LRP1B: variants seen among roughly 807,000 people sequenced by gnomAD.
LRP1B encodes low-density lipoprotein receptor-related protein 1B.
LRP1B carries 217 observed loss-of-function variants against 556.6 expected under a neutral mutation model. The ratio of observed to expected loss-of-function variants is 0.39; its 90% CI spans 0.35 to 0.44. The LOEUF (loss-of-function observed/expected upper bound fraction) is 0.44, where lower values mean the gene tolerates loss of function less well. Ranked by LOEUF, LRP1B falls within the 20% of genes least tolerant of loss-of-function variation. LRP1B has a pLI of 1.00. For synonymous variants in LRP1B, 2,047 were observed against 1,865.8 expected, an observed-to-expected ratio of 1.10 and a Z score of -2.50; for missense variants, 5,053 against 5,620.8, an observed-to-expected ratio of 0.90 and a Z score of 3.23.
intron 2 of LRP1B, among the ~76,000 whole-genome samples, chr2:141,733,036 AG>A (rs1297148999): frequency 1.3e-5 from 2 of 152,006 alleles, no homozygotes; most frequent in Non-Finnish European, 2.9e-5. Context: ...GCCTAATGTG[AG>A]GATCAATGGT....
chr2:141,111,789 G>A (rs998134508), intron 7 of LRP1B, among the ~76,000 whole-genome samples: 3 of 151,964 alleles, frequency 2.0e-5, no homozygotes, highest in Admixed American at 6.6e-5. Context: ...GGTGGCTCAC[G>A]CCTGTAATCC....
At chr2:141,495,776 C>A (rs368459189) in intron 2 of LRP1B, among the ~76,000 whole-genome samples, 5 of 151,962 alleles carry the variant, frequency 3.3e-5, no homozygotes, top group African/African-American at 1.2e-4. Flanking sequence ...ATAATGCTCT[C>A]CTATAAGCAA....
At chr2:141,705,535 A>T (rs1014239756) in intron 2 of LRP1B, among the ~76,000 whole-genome samples, 1 of 152,034 alleles carries the variant, frequency 6.6e-6, no homozygotes, top group Non-Finnish European at 1.5e-5. Flanking sequence ...TTACTAACAC[A>T]TTGTGCTAAT....
At chr2:140,361,573 A>G (rs1030549720) in intron 72 of LRP1B, among the ~76,000 whole-genome samples, 4 of 150,838 alleles carry the variant, frequency 2.7e-5, no homozygotes, top group African/African-American at 9.7e-5. Flanking sequence ...TGCAGAAACC[A>G]TCACATCTTT....
chr2:141,339,842 T>C (rs1687990213), intron 3 of LRP1B, among the ~76,000 whole-genome samples: 1 of 152,170 alleles, frequency 6.6e-6, no homozygotes, highest in East Asian at 1.9e-4. Flanking sequence ...GGACATATTG[T>C]GTGGTGGTAA....
At chr2:140,444,887 T>C (rs890253473) in intron 63 of LRP1B, among the ~76,000 whole-genome samples, 1 of 152,140 alleles carries the variant, frequency 6.6e-6, no homozygotes, top group Non-Finnish European at 1.5e-5. Flanking sequence ...TAATAAACCA[T>C]ACTTTAGAAG....
intron 5 of LRP1B, among the ~76,000 whole-genome samples, chr2:141,232,242 A>G (rs1304018422): frequency 6.6e-6 from 1 of 152,150 alleles, no homozygotes; most frequent in Non-Finnish European, 1.5e-5. Context: ...AACCTGTTGG[A>G]TCATAGATTT....
intron 41 of LRP1B, among the ~76,000 whole-genome samples, chr2:140,640,663 G>A (rs1277356466): frequency 3.3e-5 from 5 of 151,806 alleles, no homozygotes; most frequent in African/African-American, 1.2e-4. Context: ...GATTACAGGC[G>A]TGAGCCACCG....
At chr2:142,009,413 T>C (rs922134511) in intron 1 of LRP1B, among the ~76,000 whole-genome samples, 4 of 152,146 alleles carry the variant, frequency 2.6e-5, no homozygotes, top group Non-Finnish European at 5.9e-5. Context: ...CTCTTGCCTA[T>C]CTCTGAAGCA....
At chr2:140,841,955 A>AT (rs1377831345) in intron 29 of LRP1B, among the ~76,000 whole-genome samples, 2 of 152,150 alleles carry the variant, frequency 1.3e-5, no homozygotes, top group Non-Finnish European at 2.9e-5. Flanking sequence ...ACTTTAAAAA[A>AT]TTTTAGTATT....
chr2:141,381,994 A>G (rs1430250734), intron 3 of LRP1B, among the ~76,000 whole-genome samples: 1 of 151,586 alleles, frequency 6.6e-6, no homozygotes, highest in Admixed American at 6.6e-5. Context: ...GTAGACAGAC[A>G]CACAGTTAGT....
intron 87 of LRP1B, among the ~76,000 whole-genome samples, chr2:140,246,828 T>C (rs1394854126): frequency 1.3e-5 from 2 of 151,540 alleles, no homozygotes; most frequent in Non-Finnish European, 1.5e-5. Context: ...GAAAAGCTTA[T>C]GCTAGGTTAG....
chr2:141,101,618 G>A (rs1425052006), intron 7 of LRP1B, among the ~76,000 whole-genome samples: 1 of 152,074 alleles, frequency 6.6e-6, no homozygotes, highest in Non-Finnish European at 1.5e-5. Context: ...GTATTTGAAT[G>A]AATGAGTGAA....
chr2:141,592,412 G>T (rs1687373831), intron 2 of LRP1B, among the ~76,000 whole-genome samples: 1 of 152,130 alleles, frequency 6.6e-6, no homozygotes, highest in Admixed American at 6.6e-5. Context: ...GGTATAAGGG[G>T]TTAGCTCTGG....
At chr2:140,960,034 AT>A (rs11291161) in intron 18 of LRP1B, among the ~76,000 whole-genome samples, 149,379 of 151,590 alleles carry the variant, frequency 0.99, 73,629 homozygotes, top group Middle Eastern at 1. Flanking sequence ...AAAATGAGTA[AT>A]TTTTTTATCA....
chr2:141,237,163 C>T (rs984291953), intron 5 of LRP1B, among the ~76,000 whole-genome samples: 5 of 151,864 alleles, frequency 3.3e-5, no homozygotes, highest in East Asian at 1.9e-4. Context: ...TTGTGGACAA[C>T]GAGTGACATG....
rs2105463277 is a variant in LRP1B at position 141,059,062 on chromosome 2, G to C, written c.1237-8C>G. 1 of 1,470,476 alleles carries C rather than the reference G, an allele frequency of 6.8e-7. No individual in the cohort carries two copies. Among genetic ancestry groups the C allele is most frequent in the South Asian group, 1.4e-5 (1 of 70,464 alleles). 91.1% of individuals were successfully genotyped at this position (1,470,476 alleles called of 1,614,324 possible). On this transcript the variant is annotated splice_region_variant and splice_polypyrimidine_tract_variant and intron_variant, in intron 8 of 90. Coordinates refer to ENST00000389484, the MANE Select transcript of LRP1B (RefSeq NM_018557.3). ...ACCATAAAGATGTCTAACCTATAAA[G>C]AGGGCAAAACATAACTATGATTTTT...
rs140359206 is a variant in LRP1B at position 141,940,406 on chromosome 2, G to A, written c.83-130005C>T. On this transcript the variant is annotated intron_variant, in intron 1 of 90. Transcript: ENST00000389484. ...CAAAGGACTCATAAACATCTACTAA[G>A]CGGGGGAAGAAATCTAATATGCTGA... Among the ~76,000 whole-genome samples the A allele has an allele frequency of 2.0e-4, 30 of 152,230 alleles. 1 individual carries two copies. In the East Asian group the frequency reaches 3.9e-3, roughly 20 times the overall value.
chr2:140,249,727 C>A (rs1164376566), intron 86 of LRP1B, among the ~76,000 whole-genome samples: 2 of 151,726 alleles, frequency 1.3e-5, no homozygotes, highest in Non-Finnish European at 2.9e-5. Flanking sequence ...AAATAGAAAT[C>A]ATTATTCTTG....
Sources: gnomAD v4.1 joint callset for allele counts (sites outside exome capture counted in the v4.1 genomes callset) on GRCh38, gnomAD v4.1.1 for gene constraint, MANE v1.5 for transcripts, NCBI Gene and HGNC (gene_info 2026-07-23, HGNC 2026-07-21) for gene names.